The following PLCB1 variants were observed in gnomAD, a reference collection of about 807,000 sequenced individuals.
The protein encoded by PLCB1 is 1-phosphatidylinositol 4,5-bisphosphate phosphodiesterase beta-1.
In PLCB1, 46 loss-of-function variants were observed where a neutral mutation model predicts 161.8. That is an observed-to-expected ratio of 0.28 (90% confidence interval 0.22 to 0.36). The LOEUF is 0.36. Among genes scored for constraint, PLCB1 ranks in the 10% least tolerant of loss-of-function variants. PLCB1 has a pLI of 1.00. For missense variants in PLCB1, 1,016 were observed against 1,472.5 expected, an observed-to-expected ratio of 0.69 and a Z score of 5.07; for synonymous variants, 517 against 503.7, an observed-to-expected ratio of 1.03 and a Z score of -0.35.
At chr20:8,489,433 G>A (rs923017763) in intron 3 of PLCB1, among the ~76,000 whole-genome samples, 1 of 152,142 alleles carries the variant, frequency 6.6e-6, no homozygotes, top group Non-Finnish European at 1.5e-5. Flanking sequence ...ATAAATCGTT[G>A]TAATAAATAA....
chr20:8,708,064 G>T (rs1305511620), intron 11 of PLCB1, among the ~76,000 whole-genome samples: 1 of 152,018 alleles, frequency 6.6e-6, no homozygotes. Flanking sequence ...TGGGTACATG[G>T]TTTCTTTTTG....
chr20:8,708,356 C>CT (rs1978806038), intron 11 of PLCB1, among the ~76,000 whole-genome samples: 1 of 152,112 alleles, frequency 6.6e-6, no homozygotes, highest in Non-Finnish European at 1.5e-5. Context: ...CCTTCTCTTA[C>CT]TGTCCCAAAT....
At chr20:8,717,595 C>T in intron 13 of PLCB1, 76 bp from the exon 14 acceptor site, 1 of 1,127,838 alleles carries the variant, frequency 8.9e-7, no homozygotes, top group South Asian at 1.5e-5. Flanking sequence ...GTATCCACAG[C>T]TGATCTGGGG....
chr20:8,570,091 T>C (rs1405344906), intron 3 of PLCB1, among the ~76,000 whole-genome samples: 6 of 152,202 alleles, frequency 3.9e-5, no homozygotes, highest in African/African-American at 1.4e-4. Flanking sequence ...GGTTGTCATT[T>C]TGATGCCAAC....
intron 3 of PLCB1, among the ~76,000 whole-genome samples, chr20:8,460,372 T>C (rs1981522623): frequency 6.6e-6 from 1 of 152,224 alleles, no homozygotes; most frequent in African/African-American, 2.4e-5. Flanking sequence ...TTCAAGAGCA[T>C]GGCTTAAGTG....
intron 3 of PLCB1, among the ~76,000 whole-genome samples, chr20:8,513,103 T>C (rs138069231): frequency 1.2e-3 from 184 of 152,338 alleles, no homozygotes; most frequent in African/African-American, 4.3e-3. Context: ...TTTTAAAATG[T>C]TTAAACCAAA....
intron 31 of PLCB1, among the ~76,000 whole-genome samples, chr20:8,858,418 G>A (rs1338787196): frequency 6.6e-6 from 1 of 152,234 alleles, no homozygotes; most frequent in East Asian, 1.9e-4. Context: ...CCCTGATGTT[G>A]TGTAGTAATG....
At chr20:8,507,268 G>A (rs1214110049) in intron 3 of PLCB1, among the ~76,000 whole-genome samples, 1 of 152,118 alleles carries the variant, frequency 6.6e-6, no homozygotes, top group Non-Finnish European at 1.5e-5. Flanking sequence ...GATGGCAAAG[G>A]CAGAAGAAAA....
At chr20:8,805,593 G>A (rs1479982532) in intron 31 of PLCB1, among the ~76,000 whole-genome samples, 1 of 152,164 alleles carries the variant, frequency 6.6e-6, no homozygotes, top group East Asian at 1.9e-4. Context: ...CATTTATGGA[G>A]CACTTACTGC....
rs139071611 is a variant in PLCB1 at position 8,453,629 on chromosome 20, G to C, written c.246+82179G>C. Reference sequence around the variant, plus strand: ...ACTACATAATATAATATCAGAAAGAGTTTGGTGGCTGGAAGAATAGCAAAG... The same window carrying C: ...ACTACATAATATAATATCAGAAAGACTTTGGTGGCTGGAAGAATAGCAAAG... On this transcript the variant is annotated intron_variant, in intron 3 of 31. Coordinates refer to ENST00000338037, the MANE Select transcript of PLCB1 (RefSeq NM_015192.4). Among the ~76,000 whole-genome samples, 362 of 152,282 alleles carry C rather than the reference G, an allele frequency of 2.4e-3. 2 individuals are homozygous for C. Among genetic ancestry groups the C allele is most frequent in the African/African-American group, 6.9e-3 (286 of 41,548 alleles).
At chr20:8,678,726 T>G (rs1400348747) in intron 9 of PLCB1, among the ~76,000 whole-genome samples, 4 of 152,150 alleles carry the variant, frequency 2.6e-5, no homozygotes, top group African/African-American at 9.7e-5. Flanking sequence ...ACTTAGCCCA[T>G]CGGCAATCAA....
intron 2 of PLCB1, among the ~76,000 whole-genome samples, chr20:8,284,061 A>G (rs1178713043): frequency 6.6e-6 from 1 of 151,872 alleles, no homozygotes; most frequent in Non-Finnish European, 1.5e-5. Flanking sequence ...ATAAATATTT[A>G]TTTGTATCTA....
At chr20:8,284,663 C>A (rs142611074) in intron 2 of PLCB1, among the ~76,000 whole-genome samples, 3 of 152,244 alleles carry the variant, frequency 2.0e-5, no homozygotes, top group Middle Eastern at 3.4e-3. Context: ...AAATTGCCCC[C>A]CAAAATTAGC....
chr20:8,170,260 T>C (rs2051720178), intron 2 of PLCB1, among the ~76,000 whole-genome samples: 1 of 152,156 alleles, frequency 6.6e-6, no homozygotes, highest in African/African-American at 2.4e-5. Context: ...AAATAGCAGG[T>C]ATTTCTTTCT....
chr20:8,473,316 G>T (rs909456587), intron 3 of PLCB1, among the ~76,000 whole-genome samples: 1 of 151,990 alleles, frequency 6.6e-6, no homozygotes, highest in African/African-American at 2.4e-5. Context: ...ACACATGCAC[G>T]CACACATTAA....
chr20:8,508,875 C>T (rs61472302), intron 3 of PLCB1, among the ~76,000 whole-genome samples: 2,834 of 152,000 alleles, frequency 0.019, 98 homozygotes, highest in African/African-American at 0.065. Flanking sequence ...GTGAAACCAA[C>T]AAAAGATTTT....
At chr20:8,648,622 C>G (rs757782618) in intron 6 of PLCB1, among the ~76,000 whole-genome samples, 1 of 152,154 alleles carries the variant, frequency 6.6e-6, no homozygotes, top group Admixed American at 6.5e-5. Context: ...TTTTGACTTA[C>G]AAGCTACTAG....
rs187642943 is a variant in PLCB1 at position 8,220,687 on chromosome 20, C to T, written c.177+70316C>T. The stretch of plus-strand genomic sequence containing the variant: ...CTGGAGCCTAGAGAAGGAACATGGC[C>T]CTGCTGACAACTTGAGCTTGGACTT... On this transcript the variant is annotated intron_variant, in intron 2 of 31. Coordinates refer to ENST00000338037, the MANE Select transcript of PLCB1 (RefSeq NM_015192.4). Among the ~76,000 whole-genome samples, 41 of 152,234 alleles carry T rather than the reference C, an allele frequency of 2.7e-4. No individual in the cohort carries two copies. In the East Asian group the frequency reaches 5.8e-3, roughly 22 times the overall value.
At chr20:8,569,411 A>T (rs1168226480) in intron 3 of PLCB1, among the ~76,000 whole-genome samples, 1 of 152,232 alleles carries the variant, frequency 6.6e-6, no homozygotes, top group African/African-American at 2.4e-5. Flanking sequence ...TAATTATCAA[A>T]TTTTTATAAA....
Sources: allele counts gnomAD v4.1 joint callset (sites outside exome capture counted in the v4.1 genomes callset), GRCh38; gene constraint gnomAD v4.1.1; transcripts MANE v1.5; gene names NCBI Gene and HGNC (gene_info 2026-07-23, HGNC 2026-07-21).